Variants in ZZEF1 observed in about 807,000 individuals in gnomAD.
ZZEF1 encodes zinc finger ZZ-type and EF-hand domain containing 1.
A neutral mutation model predicts 342.8 loss-of-function variants in ZZEF1; 157 were observed. The observed-to-expected ratio is 0.46, with a 90% CI of 0.40 to 0.52. ZZEF1 has a LOEUF of 0.52. Ranked by LOEUF, ZZEF1 falls within the 20% of genes least tolerant of loss-of-function variation. The probability of loss-of-function intolerance (pLI) is 0.00; values close to 1 mark genes in which losing one functional copy is unlikely to be tolerated. For synonymous variants in ZZEF1, 1,505 were observed against 1,429.1 expected, an observed-to-expected ratio of 1.05 and a Z score of -1.20; for missense variants, 3,480 against 3,725.6, an observed-to-expected ratio of 0.93 and a Z score of 1.72.
At chr17:4,044,056 A>G (rs1178978847) in intron 38 of ZZEF1, among the ~76,000 whole-genome samples, 168 bp downstream of exon 38, 1 of 152,288 alleles carries the variant, frequency 6.6e-6, no homozygotes, top group Non-Finnish European at 1.5e-5. Context: ...AGTCAAAGTG[A>G]AGAAAGATGA....
chr17:4,027,359 A>G (rs2056434572), intron 42 of ZZEF1, among the ~76,000 whole-genome samples: 2 of 140,064 alleles, frequency 1.4e-5, no homozygotes, highest in Non-Finnish European at 3.0e-5. Flanking sequence ...CAATGGCACA[A>G]TCTTGGCTCA....
intron 18 of ZZEF1, among the ~76,000 whole-genome samples, chr17:4,078,930 A>G (rs995077784): frequency 1.1e-4 from 16 of 152,214 alleles, no homozygotes; most frequent in African/African-American, 3.9e-4. Flanking sequence ...ATAACCATAA[A>G]TGTCTTTTAC....
chr17:4,096,764 C>A (rs184629830), intron 9 of ZZEF1, 64 bp from the exon 10 acceptor site: 28 of 1,291,504 alleles, frequency 2.2e-5, no homozygotes, highest in Middle Eastern at 1.8e-4. Flanking sequence ...GAACTAAGAT[C>A]AACAAAAACA....
chr17:4,107,814 G>A (rs988779619), intron 6 of ZZEF1, among the ~76,000 whole-genome samples: 32 of 152,214 alleles, frequency 2.1e-4, no homozygotes, highest in African/African-American at 7.5e-4. Context: ...GGAGACCGAG[G>A]TGGGTGGATC....
At chr17:4,128,677 G>C (rs1174882866) in intron 1 of ZZEF1, among the ~76,000 whole-genome samples, 1 of 151,568 alleles carries the variant, frequency 6.6e-6, no homozygotes, top group Non-Finnish European at 1.5e-5. Flanking sequence ...GGCCAGGCTG[G>C]TCCTGAACTG....
Position 4,066,503 on chromosome 17 carries a change from T to TAA in ZZEF1, c.4192_4193insTT (p.Asn1398IlefsTer15). Reference sequence around the variant, plus strand: ...TGAACTATGTTTTTCTTCTGCTTCATTCCCCAGGCTCATCAGGGACTTCTG... The same window carrying TAA: ...TGAACTATGTTTTTCTTCTGCTTCATAATCCCCAGGCTCATCAGGGACTTCTG... On this transcript the variant is annotated frameshift_variant, in exon 28 of 55. Coordinates refer to ENST00000381638, the MANE Select transcript of ZZEF1 (RefSeq NM_015113.4). LOFTEE classifies it high-confidence loss of function. The TAA allele has an allele frequency of 1.9e-6, 3 of 1,614,160 alleles. No individual in the cohort carries two copies. The highest frequency in any genetic ancestry group is 2.5e-6 in the Non-Finnish European group (3 of 1,180,030).
In ZZEF1 at chr17:4,016,440, G is replaced by A; in HGVS notation, c.8028C>T (p.Cys2676=). 2.5e-6 allele frequency: 4 copies of A among 1,612,986 alleles called. No individual in the cohort carries two copies. Among genetic ancestry groups the A allele is most frequent in the Non-Finnish European group, 3.4e-6 (4 of 1,179,820 alleles). Residue 2676 remains cysteine, a synonymous_variant, in exon 49 of 55, where the codon TGC becomes TGT. Transcript: ENST00000381638. This position sits in a 1 kb window ranked among gnomAD's most constrained non-coding sequence, Gnocchi z 4.4. ...CCATGGTCCCCAGCATGTCCTCTCGGCAGCCCTGGAGCACTTTCTGCAGGA... is the reference window on the plus strand; with the variant it reads ...CCATGGTCCCCAGCATGTCCTCTCGACAGCCCTGGAGCACTTTCTGCAGGA... The part of the protein sequence containing the change: ...EKILQKVLQG[C]REDMLGTMAL...
rs768756377 is a variant in ZZEF1 at position 4,142,608 on chromosome 17, A to G, written c.288T>C (p.Thr96=). 80 of 1,605,082 alleles carry G rather than the reference A, an allele frequency of 5.0e-5. No homozygotes were observed. Among genetic ancestry groups the G allele is most frequent in the Non-Finnish European group, 5.4e-5 (64 of 1,179,668 alleles). The change falls in exon 1 of 55, where the codon ACT becomes ACC. Residue 96 remains threonine, a synonymous_variant. Transcript: ENST00000381638. ...ERLGRGEESV[T]LEQFRELLEA... ...CCAGCAGCTCCCGGAACTGCTCCAG[A>G]GTGACAGACTCTTCGCCGCGGCCCA...
chr17:4,012,569 T>C (rs957741427), intron 52 of ZZEF1, among the ~76,000 whole-genome samples: 4 of 152,134 alleles, frequency 2.6e-5, no homozygotes, highest in Admixed American at 6.5e-5. Context: ...AGACAACATA[T>C]ATGGCGCAGT....
chr17:4,036,792 C>CAT (rs1489827613), intron 39 of ZZEF1, among the ~76,000 whole-genome samples: 2 of 90,556 alleles, frequency 2.2e-5, no homozygotes, highest in Non-Finnish European at 3.9e-5. Context: ...CACACACACA[C>CAT]ACACACACAC....
Position 4,059,296 on chromosome 17 carries a change from A to T in ZZEF1, c.4884-6T>A, listed in dbSNP as rs1239593449. ...CTTCCAGGTGTCCAAAATAACTAGAAACAGAGGAAATCACTGATTCACTTA... is the reference window on the plus strand; with the variant it reads ...CTTCCAGGTGTCCAAAATAACTAGATACAGAGGAAATCACTGATTCACTTA... On this transcript the variant is annotated splice_polypyrimidine_tract_variant and splice_region_variant and intron_variant, in intron 30 of 54. Coordinates refer to ENST00000381638, the MANE Select transcript of ZZEF1 (RefSeq NM_015113.4). The T allele has an allele frequency of 1.3e-6, 2 of 1,593,656 alleles. No homozygotes were observed. Among genetic ancestry groups the T allele is most frequent in the East Asian group, 2.2e-5 (1 of 44,564 alleles).
At chr17:4,012,358 C>T (rs995372638) in intron 52 of ZZEF1, among the ~76,000 whole-genome samples, 1 of 152,212 alleles carries the variant, frequency 6.6e-6, no homozygotes, top group African/African-American at 2.4e-5. Flanking sequence ...TTGTTCTCTC[C>T]CCTGACTTTG....
At chr17:4,062,023 T>C (rs1231929033) in intron 30 of ZZEF1, among the ~76,000 whole-genome samples, 1 of 152,170 alleles carries the variant, frequency 6.6e-6, no homozygotes, top group Non-Finnish European at 1.5e-5. Flanking sequence ...TTTACAGTGA[T>C]AAGGGTCCTG....
At chr17:4,124,143 GATTT>G (rs1419972006) in intron 1 of ZZEF1, 92 bp from the exon 2 acceptor site, 47 of 1,426,992 alleles carry the variant, frequency 3.3e-5, no homozygotes, top group South Asian at 7.5e-5. Flanking sequence ...CGAGACCGGT[GATTT>G]ATTTATTTTT....
chr17:4,013,762 G>T, intron 51 of ZZEF1, 148 bp from the exon 52 acceptor site: 1 of 1,023,808 alleles, frequency 9.8e-7, no homozygotes, highest in South Asian at 2.2e-5. Flanking sequence ...TTTAAATTCT[G>T]GCTGAAATTA....
Position 4,112,951 on chromosome 17 carries a change from A to G in ZZEF1, c.867-143T>C, listed in dbSNP as rs569298864. On this transcript the variant is annotated intron_variant, in intron 4 of 54. Coordinates refer to ENST00000381638, the MANE Select transcript of ZZEF1 (RefSeq NM_015113.4). ...CAGCAACTAACTTGAAATGCTGGCTATGAGTTTCAAAGTCCTTCTGACCTT... is the reference window on the plus strand; with the variant it reads ...CAGCAACTAACTTGAAATGCTGGCTGTGAGTTTCAAAGTCCTTCTGACCTT... 2.1e-4 allele frequency: 145 copies of G among 700,114 alleles called. 3 individuals carry two copies. In the South Asian group the frequency reaches 3.0e-3, roughly 14 times the overall value. 43.4% of individuals were successfully genotyped at this position (700,114 alleles called of 1,614,324 possible).
In ZZEF1 at chr17:4,117,156, G is replaced by A; in HGVS notation, c.510C>T (p.Asp170=). ...GGCCCTCCTTCGACTCTGAAAATAT[G>A]TCTGTGAAACCTAAACAGATGAAAT... The part of the protein sequence containing the change: ...QACSLVPGFT[D]IFSESKEGLD... Residue 170 remains aspartate, a synonymous_variant, in exon 3 of 55, where the codon GAC becomes GAT. Coordinates refer to ENST00000381638, the MANE Select transcript of ZZEF1 (RefSeq NM_015113.4). 3.1e-6 allele frequency: 5 copies of A among 1,612,188 alleles called. No individual in the cohort carries two copies. Among genetic ancestry groups the A allele is most frequent in the Admixed American group, 1.7e-5 (1 of 59,908 alleles).
At chr17:4,031,981 G>T in intron 42 of ZZEF1, 145 bp downstream of exon 42, 1 of 836,776 alleles carries the variant, frequency 1.2e-6, no homozygotes, top group South Asian at 1.9e-5. Flanking sequence ...TCAGAAATAA[G>T]GAAAAAGAAG....
intron 26 of ZZEF1, among the ~76,000 whole-genome samples, chr17:4,068,813 T>C (rs2057453855): frequency 6.6e-6 from 1 of 152,024 alleles, no homozygotes; most frequent in Non-Finnish European, 1.5e-5. Context: ...ATATTCAAGT[T>C]GAAAAACTCC....
Sources: gnomAD v4.1 joint callset for allele counts (sites outside exome capture counted in the v4.1 genomes callset) on GRCh38, gnomAD v4.1.1 for gene constraint, Gnocchi (gnomAD v3.1) non-coding constraint, MANE v1.5 for transcripts, NCBI Gene and HGNC (gene_info 2026-07-23, HGNC 2026-07-21) for gene names.